The following CDC40 variants were observed in gnomAD, a reference collection of about 807,000 sequenced individuals.
The protein encoded by CDC40 is cell division cycle 40.
CDC40 carries 27 observed loss-of-function variants against 80.6 expected under a neutral mutation model. That is an observed-to-expected ratio of 0.33 (90% CI 0.25 to 0.46). The LOEUF is 0.46. Among genes scored for constraint, CDC40 ranks in the 20% least tolerant of loss-of-function variants. The probability of loss-of-function intolerance (pLI) is 1.00; values close to 1 mark genes in which losing one functional copy is unlikely to be tolerated. For synonymous variants in CDC40, 221 were observed against 232.6 expected (o/e 0.95, Z 0.45); for missense variants, 486 against 694.1 (o/e 0.70, Z 3.37).
chr6:110,221,084 G>A (rs1179463204), intron 12 of CDC40, among the ~76,000 whole-genome samples: 1 of 152,120 alleles, frequency 6.6e-6, no homozygotes, highest in Non-Finnish European at 1.5e-5. Context: ...CTAAAGTTAA[G>A]CAATATACTA....
intron 5 of CDC40, among the ~76,000 whole-genome samples, chr6:110,209,782 C>T (rs376985896): frequency 8.7e-4 from 133 of 152,242 alleles, no homozygotes; most frequent in South Asian, 5.0e-3. Context: ...ATCATGACCT[C>T]ATGAAGCTTA....
intron 14 of CDC40, among the ~76,000 whole-genome samples, chr6:110,229,617 C>A (rs1777909784): frequency 6.6e-6 from 1 of 152,102 alleles, no homozygotes. Context: ...TAGAATAGAT[C>A]TAAAGGTGTT....
chr6:110,227,199 T>C (rs1026082570), intron 13 of CDC40, among the ~76,000 whole-genome samples: 1 of 152,204 alleles, frequency 6.6e-6, no homozygotes, highest in Non-Finnish European at 1.5e-5. Flanking sequence ...TAATTTGTGC[T>C]ACAGATATAC....
chr6:110,209,814 C>T (rs956551776), intron 5 of CDC40, among the ~76,000 whole-genome samples: 1 of 152,082 alleles, frequency 6.6e-6, no homozygotes, highest in Non-Finnish European at 1.5e-5. Flanking sequence ...TTACTTACAT[C>T]CAGTAAATCC....
chr6:110,219,223 C>A, intron 10 of CDC40, 141 bp from the exon 11 acceptor site: 1 of 450,702 alleles, frequency 2.2e-6, no homozygotes, highest in Non-Finnish European at 3.9e-6. Flanking sequence ...TGAAAAAGAA[C>A]AAATGTAGTT....
chr6:110,229,022 T>C (rs1777901215), intron 14 of CDC40, 46 bp downstream of exon 14: 1 of 1,434,356 alleles, frequency 7.0e-7, no homozygotes, highest in Non-Finnish European at 9.6e-7. Context: ...AATATGATTA[T>C]ATAAACTGTT....
In CDC40 at chr6:110,226,251, A is replaced by T. The variant is rs778527927; in HGVS notation, c.1417+8A>T. On this transcript the variant is annotated splice_region_variant and intron_variant, in intron 13 of 14. Transcript: ENST00000307731. ...TGACTTTGTCTCCAAATGGTGAGTTAGTATGTAGATTGTATTTTTAAATGA... is the reference window on the plus strand; with the variant it reads ...TGACTTTGTCTCCAAATGGTGAGTTTGTATGTAGATTGTATTTTTAAATGA... The T allele has an allele frequency of 3.9e-6, 6 of 1,538,660 alleles. No homozygotes were observed.
intron 5 of CDC40, 102 bp downstream of exon 5, chr6:110,209,325 C>T (rs1777603585): frequency 9.7e-7 from 1 of 1,030,152 alleles, no homozygotes; most frequent in African/African-American, 1.6e-5. Flanking sequence ...AACCAAATGA[C>T]TCATCAAAAT....
chr6:110,211,907 C>G, intron 6 of CDC40: 3 of 467,076 alleles, frequency 6.4e-6, no homozygotes, highest in Non-Finnish European at 1.2e-5. Context: ...TCTATAATCT[C>G]TGGATATTTA....
At chr6:110,209,286 A>G in intron 5 of CDC40, 63 bp downstream of exon 5, 1 of 1,419,664 alleles carries the variant, frequency 7.0e-7, no homozygotes, top group East Asian at 2.3e-5. Flanking sequence ...AAGGATATCT[A>G]CATTAATAAA....
intron 2 of CDC40, 93 bp downstream of exon 2, chr6:110,193,361 C>T: frequency 2.7e-6 from 2 of 741,522 alleles, no homozygotes; most frequent in Admixed American, 4.4e-5. Context: ...AAAGTTTTAT[C>T]ACATAAGCAT....
At chr6:110,222,977 C>T (rs905588975) in intron 12 of CDC40, among the ~76,000 whole-genome samples, 1 of 152,182 alleles carries the variant, frequency 6.6e-6, no homozygotes, top group East Asian at 1.9e-4. Flanking sequence ...TTGTTATTCC[C>T]ATTTTATGTA....
chr6:110,193,318 T>C (rs1777376168), intron 2 of CDC40, 50 bp downstream of exon 2: 2 of 1,052,416 alleles, frequency 1.9e-6, no homozygotes, highest in Non-Finnish European at 3.0e-6. Context: ...ATTTAAATCA[T>C]AGTAGATAAT....
At chr6:110,225,998 C>A (rs1293834661) in intron 12 of CDC40, among the ~76,000 whole-genome samples, 169 bp from the exon 13 acceptor site, 1 of 152,200 alleles carries the variant, frequency 6.6e-6, no homozygotes, top group African/African-American at 2.4e-5. Flanking sequence ...ATAAGCAGTA[C>A]AGTGTCATCT....
At chr6:110,220,666 C>G (rs573287553) in intron 12 of CDC40, among the ~76,000 whole-genome samples, 2 of 152,102 alleles carry the variant, frequency 1.3e-5, no homozygotes, top group South Asian at 4.1e-4. Flanking sequence ...AGGATGGTCT[C>G]GATTTCCTGA....
rs202231923 is a variant in CDC40 at position 110,232,165 on chromosome 6, TAA to T, written c.*2037_*2038del. 1,428 of 152,716 alleles carry T rather than the reference TAA, an allele frequency of 9.4e-3. 23 individuals carry two copies. Among genetic ancestry groups the T allele is most frequent in the African/African-American group, 0.033 (1,382 of 41,530 alleles). 9.5% of individuals were successfully genotyped at this position (152,716 alleles called of 1,614,324 possible). A position where few individuals can be genotyped will look rare whatever the true frequency, so the allele number is the denominator to read the frequency against. On this transcript the variant is annotated 3_prime_UTR_variant, in exon 15 of 15. Coordinates refer to ENST00000307731, the MANE Select transcript of CDC40 (RefSeq NM_015891.3). The stretch of plus-strand genomic sequence containing the variant: ...TGACTGTTTCTAAAGTAAGTGTGTA[TAA>T]AAGTCTCCTTTTTAAAAAGATCATA...
intron 1 of CDC40, among the ~76,000 whole-genome samples, chr6:110,183,864 G>A (rs947719283): frequency 8.6e-5 from 13 of 152,026 alleles, no homozygotes; most frequent in African/African-American, 3.1e-4. Context: ...AGCAACTATT[G>A]GGTTGTCATT....
chr6:110,207,507 T>G lies in CDC40; in HGVS notation c.408T>G (p.Gly136=), dbSNP rs1226694983. 6.4e-7 allele frequency: 1 copy of G among 1,560,930 alleles called. No homozygotes were observed. Among genetic ancestry groups the G allele is most frequent in the South Asian group, 1.1e-5 (1 of 87,206 alleles). The stretch of plus-strand genomic sequence containing the variant: ...TAATTTTCACTTTTTTGCTTTCAGG[T>G]TATGCATTAGACCCTTCATTAGATA... ...EQQRRTFATY[G]YALDPSLDNH... Residue 136 remains glycine (G), a splice_region_variant and synonymous_variant, in exon 4 of 15, where the codon GGT becomes GGG. Coordinates refer to ENST00000307731, the MANE Select transcript of CDC40 (RefSeq NM_015891.3).
chr6:110,209,079 C>T lies in CDC40; in HGVS notation c.491-5C>T, dbSNP rs116160008. ...TTTTTTTTAATTTTTTTTTTGTTAA[C>T]GTAGGTTTAACTGTATTTGAAACTG... is the stretch of plus-strand genomic sequence containing the variant. On this transcript the variant is annotated splice_polypyrimidine_tract_variant and splice_region_variant and intron_variant, in intron 4 of 14. Transcript: ENST00000307731. 1.1e-3 allele frequency: 1,640 copies of T among 1,450,332 alleles called. 19 individuals carry two copies. In the African/African-American group the frequency reaches 0.021, roughly 19 times the overall value. The allele number at this position is 1,450,332 out of a possible 1,614,324, so 89.8% of individuals were successfully genotyped here. A position where few individuals can be genotyped will look rare whatever the true frequency, so the allele number is the denominator to read the frequency against.
Sources: allele counts gnomAD v4.1 joint callset (sites outside exome capture counted in the v4.1 genomes callset), GRCh38; gene constraint gnomAD v4.1.1; transcripts MANE v1.5; gene names NCBI Gene and HGNC (gene_info 2026-07-23, HGNC 2026-07-21).